The following HEMGN variants were observed in gnomAD, a reference collection of about 807,000 sequenced individuals.
The protein encoded by HEMGN is hemogen.
HEMGN carries 32 observed loss-of-function variants against 45.7 expected under a neutral mutation model. The ratio of observed to expected loss-of-function variants is 0.70; its 90% confidence interval spans 0.53 to 0.94. The LOEUF is 0.94. Ranked by LOEUF, HEMGN falls within the 40% of genes least tolerant of loss-of-function variation. HEMGN has a pLI of 0.00. For missense variants in HEMGN, 530 were observed against 564.2 expected (o/e 0.94, Z 0.61); for synonymous variants, 183 against 178.6 (o/e 1.02, Z -0.20).
Position 97,930,876 on chromosome 9 carries a change from A to C in HEMGN, c.519T>G (p.Ser173=), listed in dbSNP as rs1251194246. 8 of 1,613,984 alleles carry C rather than the reference A, an allele frequency of 5.0e-6. No homozygotes were observed. Among genetic ancestry groups the C allele is most frequent in the Non-Finnish European group, 5.9e-6 (7 of 1,179,972 alleles). ...CQHVSEPEDL[S]PKMYQEISVL... ...CAGATATTTCTTGGTACATTTTAGG[A>C]GAGAGGTCTTCAGGTTCAGACACAT... Residue 173 remains serine (S), a synonymous_variant, in exon 3 of 4, where the codon TCT becomes TCG. Coordinates refer to ENST00000616898, the MANE Select transcript of HEMGN (RefSeq NM_197978.3).
chr9:97,930,527 C>T lies in HEMGN; in HGVS notation c.868G>A (p.Gly290Arg). 1 of 1,614,084 alleles carries T rather than the reference C, an allele frequency of 6.2e-7. No homozygotes were observed. Among genetic ancestry groups the T allele is most frequent in the East Asian group, 2.2e-5 (1 of 44,880 alleles). The change falls in exon 3 of 4, where the codon GGA becomes AGA. Residue 290 changes from glycine (G) to arginine (R), a missense_variant. Physicochemically the swap from Gly to Arg is moderately radical, Grantham distance 125 (BLOSUM62 -2). Coordinates refer to ENST00000616898, the MANE Select transcript of HEMGN (RefSeq NM_197978.3). ...AAAAGGCCTTCTGTCTCAGCTATTC[C>T]TTGATCTGTTTCATTGTATTCCTCT... ...EPEEYNETDQ[G>R]IAETEGLFPK...
chr9:97,938,022 T>C, intron 1 of HEMGN, 36 bp downstream of exon 1: 1 of 1,319,376 alleles, frequency 7.6e-7, no homozygotes, highest in East Asian at 2.3e-5. Flanking sequence ...CGAATTCTTC[T>C]CAACAGCCAC....
At chr9:97,929,750 TA>T (rs1389009733) in intron 3 of HEMGN, among the ~76,000 whole-genome samples, 1 of 152,262 alleles carries the variant, frequency 6.6e-6, no homozygotes, top group Admixed American at 6.5e-5. Flanking sequence ...TATTTTGCAA[TA>T]ATTCATCCTA....
At chr9:97,942,475 T>G (rs762693105), upstream of HEMGN, among the ~76,000 whole-genome samples, 2 of 151,746 alleles carry the variant, frequency 1.3e-5, no homozygotes, top group East Asian at 1.9e-4. Context: ...TTTGTAGAGA[T>G]AGGGTTTTGA....
chr9:97,927,941 T>C (rs1826860686), intron 3 of HEMGN, among the ~76,000 whole-genome samples: 1 of 151,994 alleles, frequency 6.6e-6, no homozygotes, highest in Non-Finnish European at 1.5e-5. Context: ...GTAACATTAA[T>C]TATAAAAGGG....
chr9:97,935,489 A>G (rs1165141927), intron 2 of HEMGN, among the ~76,000 whole-genome samples: 2 of 152,114 alleles, frequency 1.3e-5, no homozygotes, highest in Non-Finnish European at 2.9e-5. Flanking sequence ...CACAACAGGA[A>G]GTTCTCCTGC....
intron 2 of HEMGN, among the ~76,000 whole-genome samples, chr9:97,934,545 T>C (rs1173231907): frequency 6.6e-6 from 1 of 151,692 alleles, no homozygotes; most frequent in Non-Finnish European, 1.5e-5. Context: ...CAAGTAATGA[T>C]TGGAAGATTG....
At position 97,927,168 on chromosome 9, in the gene HEMGN, TACACACACACAC is replaced by T. The variant is rs34825770; in HGVS notation, c.*204_*215del. ...ATCCTCTCCCCGACCTATACATACA[TACACACACACAC>T]ACACACACACACACACACATTCTAG... On this transcript the variant is annotated 3_prime_UTR_variant, in exon 4 of 4. Coordinates refer to ENST00000616898, the MANE Select transcript of HEMGN (RefSeq NM_197978.3). The T allele has an allele frequency of 4.9e-4, 154 of 317,102 alleles. 1 individual carries two copies. Among genetic ancestry groups the T allele is most frequent in the African/African-American group, 1.9e-3 (87 of 45,022 alleles). The allele number at this position is 317,102 out of a possible 1,614,324, so 19.6% of individuals were successfully genotyped here. A position where few individuals can be genotyped will look rare whatever the true frequency, so the allele number is the denominator to read the frequency against.
chr9:97,940,398 G>A (rs1827134899), upstream of HEMGN, among the ~76,000 whole-genome samples: 1 of 152,090 alleles, frequency 6.6e-6, no homozygotes, highest in Non-Finnish European at 1.5e-5. Flanking sequence ...ACTGTAAGAG[G>A]GTGGGGTTTC....
At chr9:97,929,816 A>G (rs1259664604) in intron 3 of HEMGN, among the ~76,000 whole-genome samples, 1 of 152,280 alleles carries the variant, frequency 6.6e-6, no homozygotes, top group Non-Finnish European at 1.5e-5. Context: ...TAGTATGAAT[A>G]AGTACTTAAT....
At chr9:97,933,186 T>C (rs1416898350) in intron 2 of HEMGN, among the ~76,000 whole-genome samples, 1 of 152,152 alleles carries the variant, frequency 6.6e-6, no homozygotes, top group Admixed American at 6.5e-5. Flanking sequence ...GTAAATAATA[T>C]CGGCCCAATT....
At chr9:97,933,162 G>GTAAGTGAAATGAGGTAAA (rs1413734852) in intron 2 of HEMGN, among the ~76,000 whole-genome samples, 2 of 152,144 alleles carry the variant, frequency 1.3e-5, no homozygotes, top group Admixed American at 1.3e-4. Flanking sequence ...TGGTTTCCTT[G>GTAAGTGAAATGAGGTAAA]TAAGTGAAAT....
At chr9:97,943,407 G>A (rs1827179695) in intron 1 of HEMGN, among the ~76,000 whole-genome samples, 1 of 152,186 alleles carries the variant, frequency 6.6e-6, no homozygotes, top group Admixed American at 6.5e-5. Context: ...AAGTGGAGAA[G>A]GAGAAGGACA....
At chr9:97,929,139 G>GT (rs1230674898) in intron 3 of HEMGN, among the ~76,000 whole-genome samples, 1 of 152,254 alleles carries the variant, frequency 6.6e-6, no homozygotes, top group Non-Finnish European at 1.5e-5. Flanking sequence ...GAATGAAGCA[G>GT]TTAGGAATCA....
intron 3 of HEMGN, among the ~76,000 whole-genome samples, chr9:97,928,176 G>C (rs567783142): frequency 1.3e-5 from 2 of 152,112 alleles, no homozygotes; most frequent in Non-Finnish European, 1.5e-5. Flanking sequence ...ACAGGCGCCC[G>C]CCACCGCGCC....
intron 1 of HEMGN, among the ~76,000 whole-genome samples, chr9:97,943,629 A>G (rs995874215): frequency 3.9e-5 from 6 of 152,132 alleles, no homozygotes; most frequent in Admixed American, 1.3e-4. Context: ...TCTCTGAATA[A>G]ACACTGATGA....
At chr9:97,942,478 G>A (rs1022653808), upstream of HEMGN, among the ~76,000 whole-genome samples, 8 of 151,752 alleles carry the variant, frequency 5.3e-5, no homozygotes, top group African/African-American at 1.9e-4. Context: ...GTAGAGATAG[G>A]GTTTTGACAC....
upstream of HEMGN, among the ~76,000 whole-genome samples, chr9:97,939,817 C>G (rs139454134): frequency 6.6e-6 from 1 of 152,306 alleles, no homozygotes; most frequent in East Asian, 1.9e-4. Flanking sequence ...TTACCTCTCT[C>G]AGTTCCCCAG....
chr9:97,943,792 A>T (rs1355113754), intron 1 of HEMGN, among the ~76,000 whole-genome samples: 3 of 152,224 alleles, frequency 2.0e-5, no homozygotes, highest in Non-Finnish European at 4.4e-5. Flanking sequence ...TATGTAATCT[A>T]GCTTTTTCTT....
Sources: gnomAD v4.1 joint callset for allele counts (sites outside exome capture counted in the v4.1 genomes callset) on GRCh38, gnomAD v4.1.1 for gene constraint, MANE v1.5 for transcripts, NCBI Gene and HGNC (gene_info 2026-07-23, HGNC 2026-07-21) for gene names.